Variants in FOXP1 observed in about 807,000 individuals in gnomAD.
The protein encoded by FOXP1 is forkhead box protein P1.
In FOXP1, 15 loss-of-function variants were observed where a neutral mutation model predicts 98.2. The ratio of observed to expected loss-of-function variants is 0.15; its 90% CI spans 0.10 to 0.24. FOXP1 has a LOEUF of 0.24. Ranked by LOEUF, FOXP1 falls within the 10% of genes least tolerant of loss-of-function variation. The pLI is 1.00. For missense variants in FOXP1, 633 were observed against 848.5 expected, an observed-to-expected ratio of 0.75 and a Z score of 3.15; for synonymous variants, 371 against 314.5, an observed-to-expected ratio of 1.18 and a Z score of -1.90.
At chr3:71,131,445 T>TAA (rs1222543436) in intron 6 of FOXP1, among the ~76,000 whole-genome samples, 1 of 151,334 alleles carries the variant, frequency 6.6e-6, no homozygotes, top group Non-Finnish European at 1.5e-5. Flanking sequence ...GGATTCCTTC[T>TAA]GAAAATGTAT....
chr3:71,189,674 G>T (rs2062850416), intron 6 of FOXP1, among the ~76,000 whole-genome samples: 1 of 152,066 alleles, frequency 6.6e-6, no homozygotes, highest in African/African-American at 2.4e-5. Flanking sequence ...CCACTCCTTG[G>T]TATTTGCATA....
At chr3:71,487,993 A>G (rs2090787936) in intron 3 of FOXP1, among the ~76,000 whole-genome samples, 1 of 152,196 alleles carries the variant, frequency 6.6e-6, no homozygotes. Flanking sequence ...TAAAAGTGAG[A>G]AAAGGCTGTT....
At chr3:71,084,122 T>G (rs2054754745) in intron 7 of FOXP1, among the ~76,000 whole-genome samples, 1 of 152,194 alleles carries the variant, frequency 6.6e-6, no homozygotes, top group Non-Finnish European at 1.5e-5. Flanking sequence ...TCACCACCTG[T>G]GCATTTTTCT....
chr3:71,254,817 T>G (rs1434417213), intron 5 of FOXP1, among the ~76,000 whole-genome samples: 3 of 152,218 alleles, frequency 2.0e-5, no homozygotes, highest in African/African-American at 7.2e-5. Context: ...TCCACATTCA[T>G]ATCTCTACTA....
At chr3:71,394,485 T>A (rs899008408) in intron 3 of FOXP1, among the ~76,000 whole-genome samples, 1 of 152,224 alleles carries the variant, frequency 6.6e-6, no homozygotes, top group African/African-American at 2.4e-5. Context: ...TGAATTTGTC[T>A]GCTAGGTTTC....
intron 7 of FOXP1, among the ~76,000 whole-genome samples, chr3:71,057,927 G>A (rs1032193316): frequency 2.0e-5 from 3 of 152,156 alleles, no homozygotes; most frequent in African/African-American, 7.2e-5. Context: ...GCTGCTAAAA[G>A]CCCATACACA....
chr3:71,140,288 G>T (rs1217663051), intron 6 of FOXP1, among the ~76,000 whole-genome samples: 6 of 152,134 alleles, frequency 3.9e-5, no homozygotes, highest in Admixed American at 3.3e-4. Context: ...TCTGATACAA[G>T]ACTTTTGATA....
chr3:70,995,081 C>A (rs1041593136), intron 13 of FOXP1, among the ~76,000 whole-genome samples: 2 of 151,560 alleles, frequency 1.3e-5, no homozygotes, highest in Admixed American at 6.6e-5. Context: ...TTTCCCCAAA[C>A]GGAATTAAAA....
intron 6 of FOXP1, among the ~76,000 whole-genome samples, chr3:71,132,174 G>A (rs2107931054): frequency 6.6e-6 from 1 of 152,298 alleles, no homozygotes; most frequent in South Asian, 2.1e-4. Flanking sequence ...ACACAGCCTG[G>A]GCGCCATGAA....
intron 18 of FOXP1, chr3:70,972,034 T>G: frequency 6.9e-7 from 1 of 1,452,112 alleles, no homozygotes; most frequent in Non-Finnish European, 9.0e-7. Context: ...CGTCAAAGTT[T>G]TCATCGGGGC....
intron 2 of FOXP1, among the ~76,000 whole-genome samples, chr3:71,521,446 G>A (rs2042978605): frequency 6.6e-6 from 1 of 151,496 alleles, no homozygotes; most frequent in Admixed American, 6.6e-5. Flanking sequence ...AGAATCGCTT[G>A]AGCCTGGGAG....
At chr3:71,089,328 G>A (rs1576685546) in intron 7 of FOXP1, among the ~76,000 whole-genome samples, 1 of 152,118 alleles carries the variant, frequency 6.6e-6, no homozygotes, top group Non-Finnish European at 1.5e-5. Flanking sequence ...AGAACTTGAG[G>A]CCTCCTGCTG....
rs146587362 is a variant in FOXP1, at chr3:71,370,034, G to A, written c.-167-10790C>T. 3.2e-4 allele frequency among the ~76,000 whole-genome samples: 48 copies of A among 152,312 alleles called. No homozygotes were observed. The East Asian group carries it at 8.9e-3, about 28-fold the overall frequency. ...GCAAGCCATTAAATTAGAAGTCGGT[G>A]GGTGTTAGCCAGGTAGAGAGCACTG... On this transcript the variant is annotated intron_variant, in intron 3 of 20. Transcript: ENST00000649528.
chr3:71,020,822 T>G (rs964474732), intron 11 of FOXP1, among the ~76,000 whole-genome samples: 12 of 152,156 alleles, frequency 7.9e-5, no homozygotes, highest in African/African-American at 2.7e-4. Flanking sequence ...ATTTGCCTTG[T>G]TTTCCTCCTC....
chr3:71,498,407 AAAC>A (rs1372784051), intron 2 of FOXP1, among the ~76,000 whole-genome samples: 1 of 152,180 alleles, frequency 6.6e-6, no homozygotes, highest in Non-Finnish European at 1.5e-5. Context: ...GGCACCAGGA[AAAC>A]AACAACAGCA....
In FOXP1 at chr3:70,992,303, CAA is replaced by C. The variant is rs72465904; in HGVS notation, c.1063-4228_1063-4227del. Among the ~76,000 whole-genome samples the C allele has an allele frequency of 1.0e-2, 1,516 of 152,232 alleles. 25 individuals carry two copies. The highest frequency in any genetic ancestry group is 0.035 in the African/African-American group (1,473 of 41,524). On this transcript the variant is annotated intron_variant, in intron 13 of 20. Transcript: ENST00000649528. Reference sequence around the variant, plus strand: ...AGTAGTTTCGTATACAATGATGATCCAAAGAGATTAACCCGATGTGGCCCAAG... The same window carrying C: ...AGTAGTTTCGTATACAATGATGATCCAGAGATTAACCCGATGTGGCCCAAG...
intron 13 of FOXP1, among the ~76,000 whole-genome samples, chr3:70,991,953 A>ACT (rs1311991946): frequency 2.6e-5 from 4 of 152,200 alleles, no homozygotes; most frequent in African/African-American, 7.2e-5. Flanking sequence ...ATGCTGAACT[A>ACT]CTGTTCCTAG....
At chr3:71,319,751 A>G (rs1054538635) in intron 4 of FOXP1, among the ~76,000 whole-genome samples, 2 of 152,152 alleles carry the variant, frequency 1.3e-5, no homozygotes, top group Non-Finnish European at 2.9e-5. Context: ...CTTCTCAAAC[A>G]GTTCCCATTT....
At chr3:71,249,516 A>G (rs554736647) in intron 5 of FOXP1, among the ~76,000 whole-genome samples, 1 of 152,316 alleles carries the variant, frequency 6.6e-6, no homozygotes, top group South Asian at 2.1e-4. Context: ...GAGAGGTTAA[A>G]TAATCTGCTC....
Sources: allele counts gnomAD v4.1 joint callset (sites outside exome capture counted in the v4.1 genomes callset), GRCh38; gene constraint gnomAD v4.1.1; transcripts MANE v1.5; gene names NCBI Gene and HGNC (gene_info 2026-07-23, HGNC 2026-07-21).